ERBB3: variants seen among roughly 807,000 people sequenced by gnomAD.
ERBB3 encodes the protein receptor tyrosine-protein kinase erbB-3.
Under a neutral mutation model 156.7 loss-of-function variants are expected in ERBB3, and 96 were observed. The ratio of observed to expected loss-of-function variants is 0.61; its 90% CI spans 0.52 to 0.73. ERBB3 has a LOEUF of 0.73. Among genes scored for constraint, ERBB3 ranks in the 30% least tolerant of loss-of-function variants. ERBB3 has a pLI of 0.00. For missense variants in ERBB3, 1,406 were observed against 1,709.4 expected (o/e 0.82, Z 3.13); for synonymous variants, 567 against 632.0 (o/e 0.90, Z 1.54).
rs766792372 is a variant in ERBB3, at chr12:56,101,778, C to G, written c.3752C>G (p.Thr1251Ser). 3 of 1,613,732 alleles carry G rather than the reference C, an allele frequency of 1.9e-6. No individual in the cohort carries two copies. In the Admixed American group the frequency reaches 5.0e-5, roughly 27 times the overall value. The stretch of plus-strand genomic sequence containing the variant: ...CTCCACCCTGTACCCATCATGCCCA[C>G]TGCAGGCACAACTCCAGATGAAGAC... ...CPLHPVPIMP[T>S]AGTTPDEDYE... is the part of the protein sequence containing the mutation. Residue 1251 changes from threonine to serine, a missense_variant, in exon 28 of 28, where the codon ACT (threonine) becomes AGT (serine). Coordinates refer to ENST00000267101, the MANE Select transcript of ERBB3 (RefSeq NM_001982.4).
In ERBB3 at chr12:56,099,737, G is replaced by C. The variant is rs1353796675; in HGVS notation, c.2929G>C (p.Val977Leu). The C allele has an allele frequency of 6.2e-7, 1 of 1,613,920 alleles. No homozygotes were observed. The highest frequency in any genetic ancestry group is 2.2e-5 in the East Asian group (1 of 44,902). ...GGCCCGAGACCCACCACGGTATCTGGTCATAAAGGTGAGTAGGGAGTAGGA... is the reference window on the plus strand; with the variant it reads ...GGCCCGAGACCCACCACGGTATCTGCTCATAAAGGTGAGTAGGGAGTAGGA... ...RMARDPPRYL[V>L]IKRESGPGIA... Residue 977 changes from valine (V) to leucine (L), a missense_variant, in exon 24 of 28, where the codon GTC (valine) becomes CTC (leucine). Transcript: ENST00000267101.
chr12:56,091,281 T>TATATATATATATAAATAAAA (rs1565858480), intron 9 of ERBB3, among the ~76,000 whole-genome samples: 1 of 49,070 alleles, frequency 2.0e-5, no homozygotes, highest in African/African-American at 5.9e-5. Context: ...TATATATATA[T>TATATATATATATAAATAAAA]ATATATATAT....
At chr12:56,084,901 C>T (rs1868423356) in intron 2 of ERBB3, 94 bp from the exon 3 acceptor site, 6 of 1,583,618 alleles carry the variant, frequency 3.8e-6, no homozygotes, top group Non-Finnish European at 4.3e-6. Context: ...AGAATTAAAA[C>T]AGTTAAAGAG....
chr12:56,101,599 A>T lies in ERBB3; in HGVS notation c.3573A>T (p.Glu1191Asp), dbSNP rs1482156432. 6 of 1,613,960 alleles carry T rather than the reference A, an allele frequency of 3.7e-6. No individual in the cohort carries two copies. The highest frequency in any genetic ancestry group is 3.4e-6 in the Non-Finnish European group (4 of 1,180,012). Residue 1191 changes from glutamate to aspartate, a missense_variant, in exon 28 of 28, where the codon GAA becomes GAT. Around this residue, in one of 3 missense-constraint regions of ERBB3, gnomAD observed 415 missense variants for 454.1 expected, o/e 0.91. Transcript: ENST00000267101. ...GLSSVLGTEEEDEDEEYEYMN... is the reference protein window; with the variant it reads ...GLSSVLGTEEDDEDEEYEYMN... Reference sequence around the variant, plus strand: ...GTTCTGTCCTGGGTACTGAAGAAGAAGATGAAGATGAGGAGTATGAATACA... The same window carrying T: ...GTTCTGTCCTGGGTACTGAAGAAGATGATGAAGATGAGGAGTATGAATACA...
rs1403804600 is a variant in ERBB3 at position 56,093,765 on chromosome 12, G to A, written c.1482G>A (p.Val494=). 5.0e-6 allele frequency: 8 copies of A among 1,613,980 alleles called. No individual in the cohort carries two copies. Among genetic ancestry groups the A allele is most frequent in the Non-Finnish European group, 6.8e-6 (8 of 1,180,026 alleles). The change falls in exon 13 of 28, where the codon GTG becomes GTA. Residue 494 remains valine (V), a splice_region_variant and synonymous_variant. Coordinates refer to ENST00000267101, the MANE Select transcript of ERBB3 (RefSeq NM_001982.4). ...CCTAACCCACCCCTTCCTTTCCAGTGGCAGAGGGCAAAGTGTGTGACCCAC... is the reference window on the plus strand; with the variant it reads ...CCTAACCCACCCCTTCCTTTCCAGTAGCAGAGGGCAAAGTGTGTGACCCAC... ...IKHNRPRRDC[V]AEGKVCDPLC...
intron 26 of ERBB3, 118 bp downstream of exon 26, chr12:56,100,363 C>T (rs912880902): frequency 2.0e-5 from 18 of 880,634 alleles, no homozygotes; most frequent in Admixed American, 3.7e-5. Flanking sequence ...CAGTGAGGGC[C>T]GGGCGAGTTG....
chr12:56,085,609 A>T (rs1422338810), intron 3 of ERBB3: 1 of 298,694 alleles, frequency 3.3e-6, no homozygotes, highest in Admixed American at 4.8e-5. Context: ...AAAATAAAAT[A>T]AAAAATTAGC....
At chr12:56,097,305 G>A in intron 20 of ERBB3, 75 bp downstream of exon 20, 1 of 1,461,520 alleles carries the variant, frequency 6.8e-7, no homozygotes, top group Admixed American at 1.8e-5. Context: ...TGAGAAGGTT[G>A]AAGTTCTGAG....
At chr12:56,088,682 TAA>T in intron 8 of ERBB3, 26 bp downstream of exon 8, 2 of 1,614,092 alleles carry the variant, frequency 1.2e-6, no homozygotes, top group Non-Finnish European at 1.7e-6. Flanking sequence ...TAAGAAGTTG[TAA>T]AGAGACAGCC....
Position 56,095,268 on chromosome 12 carries a change from C to G in ERBB3, c.1871C>G (p.Pro624Arg), listed in dbSNP as rs151083303. The change falls in exon 16 of 28, where the codon CCA (proline) becomes CGA (arginine). Residue 624 changes from proline to arginine, a missense_variant. Physicochemically the swap from Pro to Arg is moderately radical, Grantham distance 103. Transcript: ENST00000267101. Reference protein sequence around the residue: ...HENCTQGCKGPELQDCLGQTL... With the variant: ...HENCTQGCKGRELQDCLGQTL... ...ACTTTCTTCCCTAGGTGTAAAGGAC[C>G]AGAGCTTCAAGACTGTTTAGGACAA... 18 of 1,613,470 alleles carry G rather than the reference C, an allele frequency of 1.1e-5. No homozygotes were observed. The African/African-American group carries it at 1.7e-4, about 16-fold the overall frequency.
chr12:56,083,383 G>C (rs1868379759), intron 1 of ERBB3: 1 of 357,376 alleles, frequency 2.8e-6, no homozygotes, highest in Non-Finnish European at 5.4e-6. Flanking sequence ...AGTTGGAGGG[G>C]GAGAGGAGGG....
intron 3 of ERBB3, among the ~76,000 whole-genome samples, chr12:56,085,795 C>G (rs956040594): frequency 2.1e-5 from 3 of 142,734 alleles, no homozygotes; most frequent in Admixed American, 7.0e-5. Flanking sequence ...AAAGCCTGGG[C>G]GCGGTGGCTC....
At chr12:56,089,243 A>T (rs1868588876) in intron 9 of ERBB3, 1 of 422,954 alleles carries the variant, frequency 2.4e-6, no homozygotes, top group Admixed American at 2.8e-5. Flanking sequence ...AAGTGATCCC[A>T]AGTAGCTGGG....
intron 17 of ERBB3, 90 bp from the exon 18 acceptor site, chr12:56,096,413 G>A (rs1868889613): frequency 6.5e-7 from 1 of 1,535,750 alleles, no homozygotes. Flanking sequence ...TTTCAGCTGT[G>A]CTGCTTTTGG....
chr12:56,094,844 G>A (rs1219237298), intron 15 of ERBB3, among the ~76,000 whole-genome samples: 5 of 152,106 alleles, frequency 3.3e-5, no homozygotes, highest in African/African-American at 4.8e-5. Context: ...CCAGCTACGC[G>A]GGAGGCTGAG....
intron 3 of ERBB3, 146 bp downstream of exon 3, chr12:56,085,327 C>G (rs1868442754): frequency 1.3e-6 from 2 of 1,528,204 alleles, no homozygotes; most frequent in African/African-American, 2.7e-5. Flanking sequence ...CCATTGCTCC[C>G]TAAGCAATAG....
At position 56,093,896 on chromosome 12, in the gene ERBB3, G is replaced by A. The variant is rs2136811308; in HGVS notation, c.1613G>A (p.Gly538Glu). Residue 538 changes from glycine to glutamate, a missense_variant and splice_region_variant, in exon 13 of 28, where the codon GGG (glycine) becomes GAG (glutamate). Coordinates refer to ENST00000267101, the MANE Select transcript of ERBB3 (RefSeq NM_001982.4). Reference sequence around the variant, plus strand: ...GTGACCCACTGCAACTTTCTGAATGGGTACAGTAAGGGGAGCCAGTCAAGG... The same window carrying A: ...GTGACCCACTGCAACTTTCTGAATGAGTACAGTAAGGGGAGCCAGTCAAGG... ...VCVTHCNFLNGEPREFAHEAE... is the reference protein window; with the variant it reads ...VCVTHCNFLNEEPREFAHEAE... 6.2e-7 allele frequency: 1 copy of A among 1,613,908 alleles called. No homozygotes were observed. Among genetic ancestry groups the A allele is most frequent in the Non-Finnish European group, 8.5e-7 (1 of 1,179,916 alleles).
At position 56,092,970 on chromosome 12, in the gene ERBB3, C is replaced by T; in HGVS notation, c.1184-16C>T. ...AAGAAGGCTCCCTGCCCATATGCCT[C>T]TCTCCAACCCCTCAGGTTACCTGAA... On this transcript the variant is annotated splice_polypyrimidine_tract_variant and intron_variant, in intron 10 of 27. Transcript: ENST00000267101. 6.2e-7 allele frequency: 1 copy of T among 1,608,716 alleles called. No homozygotes were observed. The highest frequency in any genetic ancestry group is 8.5e-7 in the Non-Finnish European group (1 of 1,175,014).
chr12:56,101,241 G>A lies in ERBB3; in HGVS notation c.3382G>A (p.Gly1128Arg), dbSNP rs1181827941. The change falls in exon 27 of 28, where the codon GGA (glycine) becomes AGA (arginine). Residue 1128 changes from glycine to arginine, a missense_variant. Physicochemically the swap from Gly to Arg is moderately radical, Grantham distance 125 (BLOSUM62 -2). Coordinates refer to ENST00000267101, the MANE Select transcript of ERBB3 (RefSeq NM_001982.4). ...CAGGAGCCGGAGCCCACGGCCACGC[G>A]GAGATAGCGCCTACCATTCCCAGCG... Reference protein sequence around the residue: ...RSRSRSPRPRGDSAYHSQRHS... With the variant: ...RSRSRSPRPRRDSAYHSQRHS... 6.8e-6 allele frequency: 11 copies of A among 1,614,066 alleles called. No individual in the cohort carries two copies. The highest frequency in any genetic ancestry group is 3.3e-5 in the Admixed American group (2 of 60,018).
Sources: allele counts gnomAD v4.1 joint callset (sites outside exome capture counted in the v4.1 genomes callset), GRCh38; gene constraint gnomAD v4.1.1; regional missense constraint gnomAD v4.1.1; transcripts MANE v1.5; gene names NCBI Gene and HGNC (gene_info 2026-07-23, HGNC 2026-07-21).